Variants in COL11A1 observed in about 807,000 individuals in gnomAD.
The protein encoded by COL11A1 is collagen type XI alpha 1 chain.
COL11A1 carries 74 observed loss-of-function variants against 265.2 expected under a neutral mutation model. That is an observed-to-expected ratio of 0.28 (90% CI 0.23 to 0.34). COL11A1 has a LOEUF of 0.34. COL11A1 is among the 10% of genes least tolerant of loss of function. The pLI, the probability that COL11A1 is intolerant of heterozygous loss-of-function variation, is 1.00. For synonymous variants in COL11A1, 816 were observed against 727.6 expected, an observed-to-expected ratio of 1.12 and a Z score of -1.96; for missense variants, 2,165 against 2,263.6, an observed-to-expected ratio of 0.96 and a Z score of 0.88.
chr1:102,991,771 C>T (rs912531427), intron 28 of COL11A1, among the ~76,000 whole-genome samples: 1 of 151,866 alleles, frequency 6.6e-6, no homozygotes, highest in African/African-American at 2.4e-5. Flanking sequence ...AATATGAGAC[C>T]TAACCCTGGA....
intron 4 of COL11A1, among the ~76,000 whole-genome samples, chr1:103,046,526 T>C (rs1669286819): frequency 6.6e-6 from 1 of 151,752 alleles, no homozygotes; most frequent in Non-Finnish European, 1.5e-5. Context: ...GATGAATAGG[T>C]TGCAAAAATT....
At chr1:103,014,718 C>T (rs1447446242) in intron 12 of COL11A1, 124 bp from the exon 13 acceptor site, 1 of 770,910 alleles carries the variant, frequency 1.3e-6, no homozygotes, top group African/African-American at 1.7e-5. Context: ...TACAAAGTAA[C>T]TCCGTAATGA....
At chr1:103,027,396 A>ACTATAT (rs1667606811) in intron 5 of COL11A1, among the ~76,000 whole-genome samples, 1 of 92,094 alleles carries the variant, frequency 1.1e-5, no homozygotes, top group Non-Finnish European at 2.1e-5. Flanking sequence ...TTAAAACTCT[A>ACTATAT]ATATATATAT....
intron 4 of COL11A1, among the ~76,000 whole-genome samples, chr1:103,073,068 A>G (rs1391294962): frequency 6.6e-6 from 1 of 151,798 alleles, no homozygotes; most frequent in Non-Finnish European, 1.5e-5. Context: ...AAGTAGCTTA[A>G]TAAACTTATT....
intron 46 of COL11A1, among the ~76,000 whole-genome samples, chr1:102,932,685 G>A (rs1657620988): frequency 6.6e-6 from 1 of 151,926 alleles, no homozygotes; most frequent in African/African-American, 2.4e-5. Context: ...CCTGCAGAGT[G>A]TTTTCCAACT....
intron 41 of COL11A1, among the ~76,000 whole-genome samples, chr1:102,947,664 TA>T (rs1184772196): frequency 6.6e-6 from 1 of 151,978 alleles, no homozygotes; most frequent in African/African-American, 2.4e-5. Context: ...TTTGCTTTTT[TA>T]AAAAACCTCA....
intron 46 of COL11A1, among the ~76,000 whole-genome samples, chr1:102,929,366 T>A (rs924087652): frequency 5.9e-5 from 9 of 152,164 alleles, no homozygotes; most frequent in Non-Finnish European, 1.2e-4. Flanking sequence ...CCCCATTGTT[T>A]GTTTTTCTCA....
At chr1:102,978,820 A>G (rs1662757360) in intron 34 of COL11A1, 40 bp downstream of exon 34, 2 of 1,613,896 alleles carry the variant, frequency 1.2e-6, no homozygotes, top group Non-Finnish European at 1.7e-6. Flanking sequence ...TGGAAAAAAA[A>G]TCTACAGTAA....
At chr1:103,002,675 T>C in intron 22 of COL11A1, 72 bp downstream of exon 22, 1 of 1,349,600 alleles carries the variant, frequency 7.4e-7, no homozygotes, top group Non-Finnish European at 1.1e-6. Context: ...ATATTTTAGA[T>C]TTAACAACAA....
At chr1:103,004,884 C>A (rs907684184) in intron 18 of COL11A1, among the ~76,000 whole-genome samples, 31 of 151,808 alleles carry the variant, frequency 2.0e-4, no homozygotes, top group Non-Finnish European at 4.4e-5. Context: ...AATATTTTCT[C>A]TCAATTTTCA....
rs1001284670 is a variant in COL11A1 at position 102,876,728 on chromosome 1, C to T, written c.*1291G>A. 9.2e-5 allele frequency: 14 copies of T among 152,150 alleles called. No homozygotes were observed. Among genetic ancestry groups the T allele is most frequent in the African/African-American group, 3.4e-4 (14 of 41,384 alleles). 9.4% of individuals were successfully genotyped at this position (152,150 alleles called of 1,614,324 possible). On this transcript the variant is annotated 3_prime_UTR_variant, in exon 67 of 67. Coordinates refer to ENST00000370096, the MANE Select transcript of COL11A1 (RefSeq NM_001854.4). ...TTACATATATTACTTAAAATAGATA[C>T]AAAATTCAGTTTTTAATTTTTAAAT... is the stretch of plus-strand genomic sequence containing the variant.
At chr1:102,965,596 A>G in intron 37 of COL11A1, 56 bp from the exon 38 acceptor site, 1 of 1,424,476 alleles carries the variant, frequency 7.0e-7, no homozygotes, top group South Asian at 1.2e-5. Context: ...GCATAAATCA[A>G]AATTCTATGA....
intron 41 of COL11A1, among the ~76,000 whole-genome samples, chr1:102,949,404 C>T (rs900315048): frequency 4.0e-5 from 6 of 150,274 alleles, no homozygotes; most frequent in East Asian, 1.9e-4. Flanking sequence ...TTTAATTTGT[C>T]GGGCCATAAA....
At chr1:103,086,967 G>A (rs7556513) in intron 1 of COL11A1, among the ~76,000 whole-genome samples, 37,970 of 152,034 alleles carry the variant, frequency 0.25, 8,588 homozygotes, top group African/African-American at 0.61. Flanking sequence ...TAGATATTGC[G>A]TTTAATAAAT....
intron 3 of COL11A1, among the ~76,000 whole-genome samples, chr1:103,076,855 C>T (rs996631709): frequency 1.3e-5 from 2 of 152,002 alleles, no homozygotes; most frequent in South Asian, 2.1e-4. Flanking sequence ...GCCAGCCAAG[C>T]GGTGGCTAAT....
chr1:103,071,193 G>T (rs1196402900), intron 4 of COL11A1, among the ~76,000 whole-genome samples: 1 of 151,726 alleles, frequency 6.6e-6, no homozygotes, highest in Non-Finnish European at 1.5e-5. Flanking sequence ...TCTCCCCAAA[G>T]ATGGCTATTT....
intron 4 of COL11A1, among the ~76,000 whole-genome samples, chr1:103,049,904 C>T (rs1047145241): frequency 1.3e-5 from 2 of 152,180 alleles, no homozygotes; most frequent in African/African-American, 4.8e-5. Context: ...AAATTCTTTT[C>T]TTTAAGAATG....
intron 1 of COL11A1, among the ~76,000 whole-genome samples, chr1:103,087,898 T>C (rs1416267857): frequency 6.6e-6 from 1 of 152,204 alleles, no homozygotes; most frequent in South Asian, 2.1e-4. Context: ...GTTGGTTGAA[T>C]GTGAAACACG....
At chr1:103,018,395 G>C (rs1232197889) in intron 10 of COL11A1, among the ~76,000 whole-genome samples, 1 of 152,164 alleles carries the variant, frequency 6.6e-6, no homozygotes, top group Non-Finnish European at 1.5e-5. Context: ...AACACACTGA[G>C]TAACATCAGC....
Sources: allele counts gnomAD v4.1 joint callset (sites outside exome capture counted in the v4.1 genomes callset), GRCh38; gene constraint gnomAD v4.1.1; transcripts MANE v1.5; gene names NCBI Gene and HGNC (gene_info 2026-07-23, HGNC 2026-07-21).